FTO: variants seen among roughly 807,000 people sequenced by gnomAD.
FTO encodes FTO alpha-ketoglutarate dependent dioxygenase, also known as alpha-ketoglutarate-dependent dioxygenase FTO.
In FTO, 47 loss-of-function variants were observed where a neutral mutation model predicts 63.9. The observed-to-expected ratio is 0.74, with a 90% confidence interval of 0.58 to 0.94. FTO has a LOEUF of 0.94. Ranked by LOEUF, FTO falls within the 40% of genes least tolerant of loss-of-function variation. FTO has a pLI of 0.00. For synonymous variants in FTO, 207 were observed against 224.4 expected (o/e 0.92, Z 0.69); for missense variants, 562 against 618.1 (o/e 0.91, Z 0.96).
At chr16:53,935,612 T>G (rs2143289026) in intron 8 of FTO, 1 of 152,336 alleles carries the variant, frequency 6.6e-6, no homozygotes, top group South Asian at 2.1e-4. Context: ...TCTTGTCATG[T>G]TGCCCAGGCT....
At chr16:53,903,725 T>C (rs1002763970) in intron 7 of FTO, among the ~76,000 whole-genome samples, 1 of 152,234 alleles carries the variant, frequency 6.6e-6, no homozygotes, top group Admixed American at 6.5e-5. Flanking sequence ...TTTAGTCTTC[T>C]GCTTTTACAA....
At chr16:53,864,929 T>A (rs1184873613) in intron 4 of FTO, among the ~76,000 whole-genome samples, 1 of 152,154 alleles carries the variant, frequency 6.6e-6, no homozygotes, top group Non-Finnish European at 1.5e-5. Context: ...ATTGTTTGAT[T>A]AGAGAGTTGC....
chr16:53,998,599 T>G (rs1241274445), intron 8 of FTO: 1 of 152,246 alleles, frequency 6.6e-6, no homozygotes, highest in East Asian at 1.9e-4. Flanking sequence ...CAGGCATAGC[T>G]TGATCCAGGT....
chr16:53,737,247 G>T (rs1025122493), intron 1 of FTO, among the ~76,000 whole-genome samples: 7 of 152,170 alleles, frequency 4.6e-5, no homozygotes, highest in Non-Finnish European at 8.8e-5. Flanking sequence ...TCATGAATAA[G>T]TGTGTATATA....
Position 54,010,539 on chromosome 16 carries a change from A to G in FTO, c.1364+76430A>G, listed in dbSNP as rs562548122. On this transcript the variant is annotated intron_variant, in intron 8 of 8. Transcript: ENST00000471389. Reference sequence around the variant, plus strand: ...CTCAAACCTAGTTGTAATAGTCAGGAGAAGACCATTCTAGCCTTTAAAATC... The same window carrying G: ...CTCAAACCTAGTTGTAATAGTCAGGGGAAGACCATTCTAGCCTTTAAAATC... 4.6e-5 allele frequency among the ~76,000 whole-genome samples: 7 copies of G among 151,692 alleles called. No homozygotes were observed. The South Asian group carries it at 1.5e-3, about 32-fold the overall frequency.
intron 8 of FTO, among the ~76,000 whole-genome samples, chr16:54,108,027 T>TA (rs2086795438): frequency 1.3e-5 from 2 of 152,114 alleles, no homozygotes; most frequent in African/African-American, 4.8e-5. Context: ...CCCCTGGCTG[T>TA]AGAGGTGGAG....
chr16:53,976,946 A>C (rs1444547953), intron 8 of FTO, among the ~76,000 whole-genome samples: 1 of 152,180 alleles, frequency 6.6e-6, no homozygotes. Context: ...AATCCAAAAT[A>C]AAATGATGTT....
chr16:53,847,306 A>C (rs1039847434), intron 4 of FTO, among the ~76,000 whole-genome samples: 2 of 152,184 alleles, frequency 1.3e-5, no homozygotes, highest in Non-Finnish European at 2.9e-5. Flanking sequence ...TCAGCGCTGA[A>C]CGCTGCTCAG....
chr16:53,800,545 A>G (rs2078192766), intron 1 of FTO, among the ~76,000 whole-genome samples: 1 of 152,174 alleles, frequency 6.6e-6, no homozygotes, highest in Admixed American at 6.5e-5. Context: ...GCTTTTGTCT[A>G]CTTGTTCTAC....
chr16:53,992,710 C>T (rs2083840566), intron 8 of FTO: 1 of 152,104 alleles, frequency 6.6e-6, no homozygotes, highest in Non-Finnish European at 1.5e-5. Context: ...CTGAGTTCCC[C>T]ACTCATGTTG....
intron 1 of FTO, among the ~76,000 whole-genome samples, chr16:53,773,960 C>T (rs985555682): frequency 2.0e-5 from 3 of 152,098 alleles, no homozygotes; most frequent in African/African-American, 2.4e-5. Flanking sequence ...AGGTTAAAAT[C>T]GGAGAAGAAA....
chr16:53,739,230 G>A (rs1165826951), intron 1 of FTO, among the ~76,000 whole-genome samples: 1 of 150,900 alleles, frequency 6.6e-6, no homozygotes, highest in African/African-American at 2.5e-5. Flanking sequence ...ATTTGAGACG[G>A]AGTCTCGCTC....
chr16:53,837,150 T>A (rs754808655), intron 3 of FTO, among the ~76,000 whole-genome samples: 1 of 152,230 alleles, frequency 6.6e-6, no homozygotes, highest in Non-Finnish European at 1.5e-5. Context: ...AATATAGTGA[T>A]TTTGAAGCTT....
At position 54,120,567 on chromosome 16, in the gene FTO, A is replaced by G. The variant is rs2086998558; in HGVS notation, c.*8652A>G. The G allele has an allele frequency of 6.6e-6, 1 of 152,222 alleles. No individual in the cohort carries two copies. The highest frequency in any genetic ancestry group is 2.4e-5 in the African/African-American group (1 of 41,452). The allele number at this position is 152,222 out of a possible 1,614,324, so 9.4% of individuals were successfully genotyped here. A position where few individuals can be genotyped will look rare whatever the true frequency, so the allele number is the denominator to read the frequency against. On this transcript the variant is annotated 3_prime_UTR_variant, in exon 9 of 9. Coordinates refer to ENST00000471389, the MANE Select transcript of FTO (RefSeq NM_001080432.3). ...GAGAAGTTTTTAATATGTCACACCCATATTTTATAGATGGGGCAATGGAAG... is the reference window on the plus strand; with the variant it reads ...GAGAAGTTTTTAATATGTCACACCCGTATTTTATAGATGGGGCAATGGAAG...
In FTO at chr16:53,745,593, A is replaced by C. The variant is rs144694566; in HGVS notation, c.45+41364A>C. ...AAAGATAAGATAGATTTTTATGTGC[A>C]ATGTCCTCAAATAAACTAGAAAGTG... On this transcript the variant is annotated intron_variant, in intron 1 of 8. Coordinates refer to ENST00000471389, the MANE Select transcript of FTO (RefSeq NM_001080432.3). Among the ~76,000 whole-genome samples the C allele has an allele frequency of 2.3e-3, 349 of 152,344 alleles. 2 individuals carry two copies. Among genetic ancestry groups the C allele is most frequent in the African/African-American group, 7.6e-3 (318 of 41,574 alleles).
rs145619914 is a variant in FTO at position 54,076,865 on chromosome 16, T to C, written c.1365-34897T>C. Among the ~76,000 whole-genome samples, 554 of 152,300 alleles carry C rather than the reference T, an allele frequency of 3.6e-3. 6 individuals carry two copies. The highest frequency in any genetic ancestry group is 0.013 in the African/African-American group (528 of 41,562). ...GATGCTTAGGATTTTGAATTAAATA[T>C]TGAACCTCTGGCTTGCTTTTCCCAA... On this transcript the variant is annotated intron_variant, in intron 8 of 8. Coordinates refer to ENST00000471389, the MANE Select transcript of FTO (RefSeq NM_001080432.3).
intron 8 of FTO, among the ~76,000 whole-genome samples, chr16:53,950,628 TGA>T (rs1244882187): frequency 6.6e-6 from 1 of 152,226 alleles, no homozygotes. Context: ...GCCCTTCATG[TGA>T]GAGAGTGCCC....
At chr16:53,888,160 C>A (rs1310559613) in intron 6 of FTO, among the ~76,000 whole-genome samples, 2 of 152,004 alleles carry the variant, frequency 1.3e-5, no homozygotes, top group South Asian at 2.1e-4. Context: ...CCCTCTCTGG[C>A]GTGAGCTGGG....
intron 4 of FTO, among the ~76,000 whole-genome samples, chr16:53,867,255 T>G (rs746794745): frequency 6.6e-5 from 10 of 152,188 alleles, no homozygotes; most frequent in Non-Finnish European, 1.0e-4. Context: ...AAAAAAATGT[T>G]TCAGACAAAT....
Sources: allele counts gnomAD v4.1 joint callset (sites outside exome capture counted in the v4.1 genomes callset), GRCh38; gene constraint gnomAD v4.1.1; transcripts MANE v1.5; gene names NCBI Gene and HGNC (gene_info 2026-07-23, HGNC 2026-07-21).